The following NEMP2 variants were observed in gnomAD, a reference collection of about 807,000 sequenced individuals.
The protein encoded by NEMP2 is UPF0571 transmembrane protein.
Under a neutral mutation model 54.2 loss-of-function variants are expected in NEMP2, and 53 were observed. The observed-to-expected ratio is 0.98, with a 90% CI of 0.78 to 1.23. NEMP2 has a LOEUF of 1.23. NEMP2 is among the 50% of genes most tolerant of loss of function. The pLI is 0.00. For missense variants in NEMP2, 455 were observed against 511.3 expected (o/e 0.89, Z 1.06); for synonymous variants, 197 against 190.3 (o/e 1.04, Z -0.29).
the NEMP2 span, among the ~76,000 whole-genome samples, chr2:190,434,883 C>T: frequency 1.1e-4 from 17 of 152,268 alleles, no homozygotes; most frequent in Non-Finnish European, 2.1e-4. The surrounding 1 kb of genome is among the most constrained non-coding windows in gnomAD (Gnocchi z 4.3). Context: ...ACAGCAAGAG[C>T]GGGCCAGCAA....
the NEMP2 span, among the ~76,000 whole-genome samples, chr2:190,434,184 A>AAAAC: frequency 2.0e-5 from 3 of 149,380 alleles, no homozygotes; most frequent in African/African-American, 7.3e-5. This position sits in a 1 kb window ranked among gnomAD's most constrained non-coding sequence, Gnocchi z 4.3. Flanking sequence ...CTGTCTCTCA[A>AAAAC]AAAAAAAAAA....
the NEMP2 span, among the ~76,000 whole-genome samples, chr2:190,483,682 A>G: frequency 6.6e-6 from 1 of 152,074 alleles, no homozygotes; most frequent in Non-Finnish European, 1.5e-5. Context: ...TAAGGGTACG[A>G]AAATTAGCTG....
chr2:190,443,231 G>A, the NEMP2 span, among the ~76,000 whole-genome samples: 1 of 152,174 alleles, frequency 6.6e-6, no homozygotes, highest in African/African-American at 2.4e-5. This position sits in a 1 kb window ranked among gnomAD's most constrained non-coding sequence, Gnocchi z 4.2. Flanking sequence ...TTGTATGGTG[G>A]TTACGAGCAG....
chr2:190,571,025 A>T, the NEMP2 span, among the ~76,000 whole-genome samples: 1 of 152,202 alleles, frequency 6.6e-6, no homozygotes, highest in Non-Finnish European at 1.5e-5. Flanking sequence ...GATAGAGGGT[A>T]AAAACTCAGA....
chr2:190,514,807 A>C lies in NEMP2; in HGVS notation c.728-129T>G. 1 of 840,382 alleles carries C rather than the reference A, an allele frequency of 1.2e-6. No individual in the cohort carries two copies. Among genetic ancestry groups the C allele is most frequent in the Non-Finnish European group, 1.9e-6 (1 of 539,896 alleles). 52.1% of individuals were successfully genotyped at this position (840,382 alleles called of 1,614,324 possible). On this transcript the variant is annotated intron_variant, in intron 6 of 8. Transcript: ENST00000409150. The surrounding 1 kb of genome is among the most constrained non-coding windows in gnomAD (Gnocchi z 5.7). Reference sequence around the variant, plus strand: ...TAATTTTTGTGTTTTTTACCCCATAAAGTAAGGTTGAAAAATGCACATAGG... The same window carrying C: ...TAATTTTTGTGTTTTTTACCCCATACAGTAAGGTTGAAAAATGCACATAGG...
the NEMP2 span, among the ~76,000 whole-genome samples, chr2:190,488,045 G>C: frequency 6.6e-6 from 1 of 152,140 alleles, no homozygotes; most frequent in Admixed American, 6.5e-5. The surrounding 1 kb of genome is among the most constrained non-coding windows in gnomAD (Gnocchi z 6.4). Flanking sequence ...TGGGACTATA[G>C]GCGTGCACCA....
the NEMP2 span, among the ~76,000 whole-genome samples, chr2:190,638,548 A>G: frequency 5.3e-5 from 8 of 152,184 alleles, no homozygotes; most frequent in Admixed American, 4.6e-4. This position sits in a 1 kb window ranked among gnomAD's most constrained non-coding sequence, Gnocchi z 5.7. Flanking sequence ...AGAGGGTGGA[A>G]GGACAGAAAT....
the NEMP2 span, among the ~76,000 whole-genome samples, chr2:190,457,509 TG>T: frequency 1.3e-5 from 2 of 152,326 alleles, no homozygotes; most frequent in Non-Finnish European, 2.9e-5. This position sits in a 1 kb window ranked among gnomAD's most constrained non-coding sequence, Gnocchi z 5.1. Flanking sequence ...TGATAGGGGA[TG>T]TGTTTTATGA....
At chr2:190,588,503 C>T in the NEMP2 span, among the ~76,000 whole-genome samples, 2 of 152,140 alleles carry the variant, frequency 1.3e-5, no homozygotes, top group African/African-American at 4.8e-5. This position sits in a 1 kb window ranked among gnomAD's most constrained non-coding sequence, Gnocchi z 5.0. Flanking sequence ...ACTTTTATGA[C>T]TCTGTTGAAT....
chr2:190,511,585 C>T (rs1690368149), intron 7 of NEMP2, among the ~76,000 whole-genome samples: 1 of 137,272 alleles, frequency 7.3e-6, no homozygotes. Context: ...GCCAGAGTCT[C>T]GCTCTGTTGC....
At chr2:190,578,019 A>T in the NEMP2 span, among the ~76,000 whole-genome samples, 2 of 152,246 alleles carry the variant, frequency 1.3e-5, no homozygotes, top group Non-Finnish European at 2.9e-5. The surrounding 1 kb of genome is among the most constrained non-coding windows in gnomAD (Gnocchi z 4.4). Flanking sequence ...CCAGGGGATT[A>T]ACATATATTT....
chr2:190,465,132 G>A, the NEMP2 span, among the ~76,000 whole-genome samples: 1 of 152,154 alleles, frequency 6.6e-6, no homozygotes, highest in African/African-American at 2.4e-5. The surrounding 1 kb of genome is among the most constrained non-coding windows in gnomAD (Gnocchi z 4.6). Flanking sequence ...ATTAGAATCT[G>A]TAACAATTTT....
chr2:190,606,932 C>G, the NEMP2 span, among the ~76,000 whole-genome samples: 1 of 152,144 alleles, frequency 6.6e-6, no homozygotes, highest in Non-Finnish European at 1.5e-5. Context: ...CTACTGGCAG[C>G]TTCCTTGGTG....
the NEMP2 span, among the ~76,000 whole-genome samples, chr2:190,473,925 T>TC: frequency 6.6e-6 from 1 of 152,122 alleles, no homozygotes; most frequent in South Asian, 2.1e-4. Context: ...TCAAAACTGC[T>TC]CAAGTACATG....
chr2:190,483,799 C>A, the NEMP2 span, among the ~76,000 whole-genome samples: 1 of 138,490 alleles, frequency 7.2e-6, no homozygotes, highest in Non-Finnish European at 1.5e-5. Flanking sequence ...CACGCCATTG[C>A]ACTCCAGCCT....
chr2:190,467,051 T>A, the NEMP2 span, among the ~76,000 whole-genome samples: 12 of 152,196 alleles, frequency 7.9e-5, no homozygotes, highest in Admixed American at 7.9e-4. The surrounding 1 kb of genome is among the most constrained non-coding windows in gnomAD (Gnocchi z 5.5). Context: ...GATTCAGAGG[T>A]GGGCTCAAAA....
At chr2:190,546,591 T>C in the NEMP2 span, among the ~76,000 whole-genome samples, 6 of 152,186 alleles carry the variant, frequency 3.9e-5, no homozygotes, top group African/African-American at 9.6e-5. This position sits in a 1 kb window ranked among gnomAD's most constrained non-coding sequence, Gnocchi z 5.1. Context: ...GCTTACACTA[T>C]GCAAAGTCTC....
At chr2:190,460,162 C>T in the NEMP2 span, among the ~76,000 whole-genome samples, 12 of 152,188 alleles carry the variant, frequency 7.9e-5, no homozygotes, top group African/African-American at 1.9e-4. Context: ...TTGCACAGTG[C>T]GTCAGGATGC....
chr2:190,612,186 C>T, the NEMP2 span, among the ~76,000 whole-genome samples: 2,751 of 139,318 alleles, frequency 0.02, 95 homozygotes, highest in African/African-American at 0.07. Flanking sequence ...GATGGAGTCT[C>T]GCTCTGTCAC....
Sources: gnomAD v4.1 joint callset for allele counts (sites outside exome capture counted in the v4.1 genomes callset) on GRCh38, gnomAD v4.1.1 for gene constraint, Gnocchi (gnomAD v3.1) non-coding constraint, MANE v1.5 for transcripts, NCBI Gene and HGNC (gene_info 2026-07-23, HGNC 2026-07-21) for gene names.